TNXB: variants seen among roughly 807,000 people sequenced by gnomAD.
TNXB encodes tenascin-X.
TNXB carries 183 observed loss-of-function variants against 340.5 expected under a neutral mutation model. The ratio of observed to expected loss-of-function variants is 0.54; its 90% CI spans 0.48 to 0.61. The LOEUF is 0.61. Among genes scored for constraint, TNXB ranks in the 20% least tolerant of loss-of-function variants. TNXB has a pLI of 0.00. For missense variants in TNXB, 4,613 were observed against 5,446.4 expected (o/e 0.85, Z 4.82); for synonymous variants, 2,121 against 2,314.5 (o/e 0.92, Z 2.40).
chr6:32,055,345 T>A (rs556431845), intron 24 of TNXB, among the ~76,000 whole-genome samples: 3 of 152,318 alleles, frequency 2.0e-5, no homozygotes, highest in Admixed American at 2.0e-4. Flanking sequence ...AGGACATTGA[T>A]ACCCTAAAAT....
chr6:32,065,040 C>G lies in TNXB; in HGVS notation c.6622G>C (p.Asp2208His), dbSNP rs772478675. Residue 2208 changes from aspartate (D) to histidine (H), a missense_variant, in exon 19 of 44, where the codon GAC (aspartate) becomes CAC (histidine). Physicochemically the swap from Asp to His is moderately conservative, Grantham distance 81. Coordinates refer to ENST00000644971, the MANE Select transcript of TNXB (RefSeq NM_001365276.2). ...ACTGTCCAGGAGAGGCTGAGGGAGT[C>G]GGAGGTGATGTCTCTCACTGTCATC... ...GQMTVRDITS[D>H]SLSLSWTVPE... The G allele has an allele frequency of 4.4e-6, 7 of 1,606,450 alleles. No individual in the cohort carries two copies. The highest frequency in any genetic ancestry group is 5.9e-6 in the Non-Finnish European group (7 of 1,177,044).
In TNXB at chr6:32,069,988, G is replaced by A; in HGVS notation, c.5279-127C>T. The stretch of plus-strand genomic sequence containing the variant: ...CTGAGTCCTGCCGGGCTGTGCTAGG[G>A]GCTTGTGCAGGGACGTGGGGAGCTG... On this transcript the variant is annotated intron_variant, in intron 14 of 43. Transcript: ENST00000644971. This position sits in a 1 kb window ranked among gnomAD's most constrained non-coding sequence, Gnocchi z 6.2. 2 of 1,370,250 alleles carry A rather than the reference G, an allele frequency of 1.5e-6. No homozygotes were observed. Among genetic ancestry groups the A allele is most frequent in the Non-Finnish European group, 1.9e-6 (2 of 1,032,482 alleles). The allele number at this position is 1,370,250 out of a possible 1,614,324, so 84.9% of individuals were successfully genotyped here. A position where few individuals can be genotyped will look rare whatever the true frequency, so the allele number is the denominator to read the frequency against.
intron 22 of TNXB, among the ~76,000 whole-genome samples, chr6:32,057,697 T>G (rs542611859): frequency 6.6e-6 from 1 of 152,188 alleles, no homozygotes; most frequent in Non-Finnish European, 1.5e-5. Context: ...CTTTCTAGCC[T>G]CCTGGCCTTT....
rs750423097 is a variant in TNXB at position 32,095,175 on chromosome 6, C to T, written c.2259G>A (p.Glu753=). Residue 753 remains glutamate, a synonymous_variant, in exon 4 of 44, where the codon GAG becomes GAA. Transcript: ENST00000644971. ...EDCGEEVPTI[E]GMRMHLLEET... is the part of the protein sequence containing the mutation. ...CCTCCAAGAGATGCATCCTCATGCC[C>T]TCAATGGTTGGCACCTCTGCCCAAG... 9 of 1,549,736 alleles carry T rather than the reference C, an allele frequency of 5.8e-6. No homozygotes were observed. Among genetic ancestry groups the T allele is most frequent in the Non-Finnish European group, 7.9e-6 (9 of 1,146,208 alleles).
In TNXB at chr6:32,087,596, G is replaced by C. The variant is rs1779862080; in HGVS notation, c.2779+1189C>G. The C allele has an allele frequency of 5.3e-6, 2 of 376,142 alleles. No homozygotes were observed. Among genetic ancestry groups the C allele is most frequent in the Non-Finnish European group, 1.1e-5 (2 of 190,218 alleles). 23.3% of individuals were successfully genotyped at this position (376,142 alleles called of 1,614,324 possible). ...TTGGAGTCCCGTTTCCTGGTGCCGGGATCAGGGCTGGCGGTGGGGCGGGGG... is the reference window on the plus strand; with the variant it reads ...TTGGAGTCCCGTTTCCTGGTGCCGGCATCAGGGCTGGCGGTGGGGCGGGGG... On this transcript the variant is annotated intron_variant, in intron 6 of 43. Transcript: ENST00000644971. The surrounding 1 kb of genome is among the most constrained non-coding windows in gnomAD (Gnocchi z 9.0).
chr6:32,046,045 T>A lies in TNXB; in HGVS notation c.10606+130A>T. ...AGCCCACAGGGCTGCAGACTCCTCC[T>A]CCTTCCTGGGGACAGGCCAGGGCGC... On this transcript the variant is annotated intron_variant, in intron 31 of 43. Transcript: ENST00000644971. This position sits in a 1 kb window ranked among gnomAD's most constrained non-coding sequence, Gnocchi z 6.9. The A allele has an allele frequency of 7.0e-7, 1 of 1,435,182 alleles. No individual in the cohort carries two copies. The highest frequency in any genetic ancestry group is 9.1e-7 in the Non-Finnish European group (1 of 1,098,858). The allele number at this position is 1,435,182 out of a possible 1,614,324, so 88.9% of individuals were successfully genotyped here.
In TNXB at chr6:32,061,522, C is replaced by T. The variant is rs866389765; in HGVS notation, c.7367G>A (p.Arg2456His). The T allele has an allele frequency of 1.7e-5, 28 of 1,613,526 alleles. No individual in the cohort carries two copies. The highest frequency in any genetic ancestry group is 6.7e-5 in the East Asian group (3 of 44,896). Residue 2456 changes from arginine to histidine, a missense_variant, in exon 21 of 44, where the codon CGT becomes CAT. By Grantham distance (29) the Arg-to-His change is conservative. This residue lies in a region of TNXB where 4,327 missense variants were observed against 4,859.4 expected (regional missense o/e 0.89). Transcript: ENST00000644971. This position sits in a 1 kb window ranked among gnomAD's most constrained non-coding sequence, Gnocchi z 4.4. ...KDRDGRPQVVRVGGEESEVTV... is the reference protein window; with the variant it reads ...KDRDGRPQVVHVGGEESEVTV... Reference sequence around the variant, plus strand: ...GACCTCGCTCTCCTCGCCCCCAACACGCACCACCTGGGGCCGCCCGTCCCT... The same window carrying T: ...GACCTCGCTCTCCTCGCCCCCAACATGCACCACCTGGGGCCGCCCGTCCCT...
rs192506299 is a variant in TNXB, at chr6:32,065,852, G to C, written c.6545-735C>G. 8.9e-4 allele frequency among the ~76,000 whole-genome samples: 135 copies of C among 152,188 alleles called. 2 individuals are homozygous for C. The East Asian group carries it at 0.025, about 28-fold the overall frequency. On this transcript the variant is annotated intron_variant, in intron 18 of 43. Coordinates refer to ENST00000644971, the MANE Select transcript of TNXB (RefSeq NM_001365276.2). ...TTTAGTAGAGACGGGGTTTCACCAT[G>C]TTGGTCAGGCTGGTCTTGAACTCTT...
Position 32,081,384 on chromosome 6 carries a change from A to G in TNXB, c.4026T>C (p.Ser1342=), listed in dbSNP as rs1308004992. The change falls in exon 10 of 44, where the codon TCT becomes TCC. Residue 1342 remains serine (S), a synonymous_variant. Transcript: ENST00000644971. The surrounding 1 kb of genome is among the most constrained non-coding windows in gnomAD (Gnocchi z 5.1). The stretch of plus-strand genomic sequence containing the variant: ...ATGACTCACCAGTCTTGGCCACCAC[A>G]GACTCGGGCCCCACACGCTGCCTGC... ...LRGRQRVGPE[S]VVAKTAPQED... 7.1e-6 allele frequency: 11 copies of G among 1,539,996 alleles called. No homozygotes were observed. Among genetic ancestry groups the G allele is most frequent in the Non-Finnish European group, 9.7e-6 (11 of 1,139,590 alleles).
rs1260586605 is a variant in TNXB, at chr6:32,095,191, T to C, written c.2243A>G (p.Glu748Gly). 6.5e-7 allele frequency: 1 copy of C among 1,549,056 alleles called. No homozygotes were observed. The highest frequency in any genetic ancestry group is 8.7e-7 in the Non-Finnish European group (1 of 1,145,768). The change falls in exon 4 of 44, where the codon GAG becomes GGG. Residue 748 changes from glutamate (E) to glycine (G), a missense_variant and splice_region_variant. This residue lies in a region of TNXB where 4,327 missense variants were observed against 4,859.4 expected (regional missense o/e 0.89). Coordinates refer to ENST00000644971, the MANE Select transcript of TNXB (RefSeq NM_001365276.2). ...DGYAGEDCGE[E>G]VPTIEGMRMH... ...CCTCATGCCCTCAATGGTTGGCACC[T>C]CTGCCCAAGAGAATGGGTTAGGGAA... is the stretch of plus-strand genomic sequence containing the variant.
rs762839811 is a variant in TNXB, at chr6:32,042,684, C to T, written c.12058+15G>A. 3.0e-3 allele frequency: 3,777 copies of T among 1,250,198 alleles called. 26 individuals carry two copies. The highest frequency in any genetic ancestry group is 4.4e-3 in the Admixed American group (207 of 47,338). 77.4% of individuals were successfully genotyped at this position (1,250,198 alleles called of 1,614,324 possible). A position where few individuals can be genotyped will look rare whatever the true frequency, so the allele number is the denominator to read the frequency against. The stretch of plus-strand genomic sequence containing the variant: ...CCCACCCAGCCCCCGGCCCCGGGCC[C>T]GTGCGTCCAGGTACCCGTGGTGAAA... On this transcript the variant is annotated intron_variant, in intron 39 of 43. Transcript: ENST00000644971.
In TNXB at chr6:32,046,144, G is replaced by T; in HGVS notation, c.10606+31C>A. ...ATGCACAAGGAAACCCACACAAGCT[G>T]GCTTGCTATAGCCAGGCACAGCAGC... is the stretch of plus-strand genomic sequence containing the variant. On this transcript the variant is annotated intron_variant, in intron 31 of 43. Coordinates refer to ENST00000644971, the MANE Select transcript of TNXB (RefSeq NM_001365276.2). The surrounding 1 kb of genome is among the most constrained non-coding windows in gnomAD (Gnocchi z 6.9). The T allele has an allele frequency of 6.4e-7, 1 of 1,565,978 alleles. No individual in the cohort carries two copies. The highest frequency in any genetic ancestry group is 1.2e-5 in the South Asian group (1 of 86,186).
intron 1 of TNXB, among the ~76,000 whole-genome samples, chr6:32,107,714 G>C (rs1781050082): frequency 5.3e-5 from 8 of 152,120 alleles, no homozygotes; most frequent in Admixed American, 5.2e-4. Context: ...ATTAGGGACT[G>C]TATAGGTCCC....
In TNXB at chr6:32,074,032, A is replaced by AT; in HGVS notation, c.4376-81dup. On this transcript the variant is annotated intron_variant, in intron 11 of 43. Coordinates refer to ENST00000644971, the MANE Select transcript of TNXB (RefSeq NM_001365276.2). The surrounding 1 kb of genome is among the most constrained non-coding windows in gnomAD (Gnocchi z 5.5). ...AATGATGTCTAGTTATTTATTTTTT[A>AT]TTTTTTATTTTTGAGATGGAGTCTC... The AT allele has an allele frequency of 7.8e-7, 1 of 1,289,268 alleles. No individual in the cohort carries two copies. The highest frequency in any genetic ancestry group is 1.8e-5 in the South Asian group (1 of 56,454). The allele number at this position is 1,289,268 out of a possible 1,614,324, so 79.9% of individuals were successfully genotyped here. A position where few individuals can be genotyped will look rare whatever the true frequency, so the allele number is the denominator to read the frequency against.
Position 32,072,287 on chromosome 6 carries a change from G to A in TNXB, c.4693C>T (p.Pro1565Ser). 2 of 1,598,012 alleles carry A rather than the reference G, an allele frequency of 1.3e-6. No individual in the cohort carries two copies. The highest frequency in any genetic ancestry group is 1.7e-6 in the Non-Finnish European group (2 of 1,170,622). Reference protein sequence around the residue: ...SVVIVTAPLPPAPATEASKPP... With the variant: ...SVVIVTAPLPSAPATEASKPP... ...TTGGAGGCCTCTGTGGCTGGGGCTG[G>A]TGGGAGGGGAGCTGGGATTTGGGAA... The change falls in exon 13 of 44, where the codon CCA (proline) becomes TCA (serine). Residue 1565 changes from proline (P) to serine (S), a missense_variant. Pro to Ser is a moderately conservative substitution (Grantham distance 74, BLOSUM62 -1). Transcript: ENST00000644971. This position sits in a 1 kb window ranked among gnomAD's most constrained non-coding sequence, Gnocchi z 4.4.
chr6:32,052,798 A>G lies in TNXB; in HGVS notation c.8987T>C (p.Val2996Ala). ...CTCGCTCTCCTCGCCCCTGACACGCACCACCTGGGGCCGCCCGTCCCTGTC... is the reference window on the plus strand; with the variant it reads ...CTCGCTCTCCTCGCCCCTGACACGCGCCACCTGGGGCCGCCCGTCCCTGTC... ...YKDRDGRPQV[V>A]RVRGEESEVT... The change falls in exon 26 of 44, where the codon GTG becomes GCG. Residue 2996 changes from valine (V) to alanine (A), a missense_variant. Around this residue, in one of 7 missense-constraint regions of TNXB, gnomAD observed 4,327 missense variants for 4,859.4 expected, o/e 0.89. Coordinates refer to ENST00000644971, the MANE Select transcript of TNXB (RefSeq NM_001365276.2). The surrounding 1 kb of genome is among the most constrained non-coding windows in gnomAD (Gnocchi z 4.7). The G allele has an allele frequency of 6.2e-7, 1 of 1,613,706 alleles. No individual in the cohort carries two copies. Among genetic ancestry groups the G allele is most frequent in the Non-Finnish European group, 8.5e-7 (1 of 1,179,876 alleles).
At position 32,048,613 on chromosome 6, in the gene TNXB, C is replaced by A. The variant is rs779411545; in HGVS notation, c.9795G>T (p.Leu3265=). The A allele has an allele frequency of 2.1e-5, 32 of 1,526,634 alleles. No individual in the cohort carries two copies. The highest frequency in any genetic ancestry group is 2.6e-5 in the Non-Finnish European group (29 of 1,130,880). 94.6% of individuals were successfully genotyped at this position (1,526,634 alleles called of 1,614,324 possible). ...LPTPLPVEPR[L]GELAVAAVTS... ...TCACGGCCGCCACCGCCAGCTCCCC[C>A]AGGCGGGGCTCCACCGGCAGTGGTG... Residue 3265 remains leucine, a synonymous_variant, in exon 29 of 44, where the codon CTG becomes CTT. Transcript: ENST00000644971.
intron 4 of TNXB, among the ~76,000 whole-genome samples, chr6:32,091,942 C>A (rs1302465974): frequency 6.6e-6 from 1 of 152,134 alleles, no homozygotes; most frequent in African/African-American, 2.4e-5. Context: ...GTTTTGAGTC[C>A]CAGTGAACAC....
At position 32,068,297 on chromosome 6, in the gene TNXB, A is replaced by G; in HGVS notation, c.6220+93T>C. 6.6e-7 allele frequency: 1 copy of G among 1,513,122 alleles called. No homozygotes were observed. Among genetic ancestry groups the G allele is most frequent in the Non-Finnish European group, 8.9e-7 (1 of 1,121,428 alleles). The allele number at this position is 1,513,122 out of a possible 1,614,324, so 93.7% of individuals were successfully genotyped here. On this transcript the variant is annotated intron_variant, in intron 17 of 43. Transcript: ENST00000644971. This position sits in a 1 kb window ranked among gnomAD's most constrained non-coding sequence, Gnocchi z 5.3. ...CACAAGCAGGTCTGTGGTGCTGACC[A>G]GACCCTTGTCCCATTCCCCACCAGT...
Sources: allele counts gnomAD v4.1 joint callset (sites outside exome capture counted in the v4.1 genomes callset), GRCh38; gene constraint gnomAD v4.1.1; regional missense constraint gnomAD v4.1.1; non-coding constraint Gnocchi (gnomAD v3.1); transcripts MANE v1.5; gene names NCBI Gene and HGNC (gene_info 2026-07-23, HGNC 2026-07-21).